The following CTNNA3 variants were observed in gnomAD, a reference collection of about 807,000 sequenced individuals.
The protein encoded by CTNNA3 is catenin alpha 3.
A neutral mutation model predicts 95.7 loss-of-function variants in CTNNA3; 76 were observed. The observed-to-expected ratio is 0.79, with a 90% CI of 0.66 to 0.96. CTNNA3 has a LOEUF of 0.96. Ranked by LOEUF, CTNNA3 falls within the 40% of genes least tolerant of loss-of-function variation. The probability of loss-of-function intolerance (pLI) is 0.00; values close to 1 mark genes in which losing one functional copy is unlikely to be tolerated. For missense variants in CTNNA3, 1,191 were observed against 1,089.8 expected, an observed-to-expected ratio of 1.09 and a Z score of -1.31; for synonymous variants, 431 against 374.4, an observed-to-expected ratio of 1.15 and a Z score of -1.74.
chr10:66,320,886 T>C (rs1236753231), intron 12 of CTNNA3, among the ~76,000 whole-genome samples: 1 of 152,152 alleles, frequency 6.6e-6, no homozygotes, highest in Non-Finnish European at 1.5e-5. Flanking sequence ...AAATATTCTT[T>C]TGGCCAAGAA....
chr10:66,483,472 C>A (rs932454607), intron 11 of CTNNA3, among the ~76,000 whole-genome samples: 2 of 151,950 alleles, frequency 1.3e-5, no homozygotes, highest in Non-Finnish European at 2.9e-5. Flanking sequence ...CATCCTCTGG[C>A]GATCTTCATT....
rs1296024157 is a variant in CTNNA3 at position 66,542,646 on chromosome 10, C to T, written c.1375-21873G>A. On this transcript the variant is annotated intron_variant, in intron 10 of 17. Transcript: ENST00000433211. ...AGCAAACTATCACAAGGACAAAAAA[C>T]CAAACACCGCATGTTCTCACTCATA... Among the ~76,000 whole-genome samples the T allele has an allele frequency of 2.0e-5, 3 of 151,100 alleles. No homozygotes were observed. The South Asian group carries it at 6.3e-4, about 32-fold the overall frequency.
At position 66,345,578 on chromosome 10, in the gene CTNNA3, G is replaced by A. The variant is rs538335485; in HGVS notation, c.1732+33574C>T. 4.6e-5 allele frequency among the ~76,000 whole-genome samples: 7 copies of A among 151,978 alleles called. No individual in the cohort carries two copies. In the South Asian group the frequency reaches 1.5e-3, roughly 32 times the overall value. ...ATAAATGTAAACAATTCTTTTCTGA[G>A]AATAACTGTACCCAAAGAAGGTGGA... On this transcript the variant is annotated intron_variant, in intron 12 of 17. Transcript: ENST00000433211.
At chr10:66,011,989 G>T (rs956935147) in intron 15 of CTNNA3, among the ~76,000 whole-genome samples, 1 of 152,038 alleles carries the variant, frequency 6.6e-6, no homozygotes, top group Non-Finnish European at 1.5e-5. Flanking sequence ...ACACCCCAGT[G>T]GAAAGACCAT....
At chr10:66,318,300 G>GTGTGTGTA (rs1229160040) in intron 12 of CTNNA3, among the ~76,000 whole-genome samples, 5 of 151,614 alleles carry the variant, frequency 3.3e-5, no homozygotes, top group Non-Finnish European at 5.9e-5. Context: ...GTGTGTGTGT[G>GTGTGTGTA]TGTGTGTATG....
At chr10:66,497,034 C>G (rs1035729235) in intron 11 of CTNNA3, among the ~76,000 whole-genome samples, 1 of 152,006 alleles carries the variant, frequency 6.6e-6, no homozygotes, top group Non-Finnish European at 1.5e-5. Flanking sequence ...GCAAGGACAT[C>G]AGTTATATTG....
intron 7 of CTNNA3, among the ~76,000 whole-genome samples, chr10:66,829,206 G>C (rs1390686964): frequency 6.6e-6 from 1 of 152,174 alleles, no homozygotes; most frequent in Non-Finnish European, 1.5e-5. Flanking sequence ...AGATACTCCA[G>C]TAAAAGTGGT....
At chr10:67,365,517 A>G (rs1269486748) in intron 5 of CTNNA3, among the ~76,000 whole-genome samples, 1 of 152,234 alleles carries the variant, frequency 6.6e-6, no homozygotes, top group African/African-American at 2.4e-5. Flanking sequence ...AAGAACTTAA[A>G]CAAATTTACA....
intron 10 of CTNNA3, among the ~76,000 whole-genome samples, chr10:66,546,688 G>A (rs1430794659): frequency 6.6e-6 from 1 of 152,064 alleles, no homozygotes; most frequent in African/African-American, 2.4e-5. Context: ...CAGATCTTGT[G>A]AAATCACTCA....
intron 5 of CTNNA3, among the ~76,000 whole-genome samples, chr10:67,235,972 C>T (rs972857284): frequency 2.0e-5 from 3 of 147,582 alleles, no homozygotes; most frequent in East Asian, 2.0e-4. Flanking sequence ...TATCATCTCA[C>T]ACCAGTTAGA....
At chr10:66,420,058 A>G (rs562379143) in intron 11 of CTNNA3, among the ~76,000 whole-genome samples, 1 of 152,298 alleles carries the variant, frequency 6.6e-6, no homozygotes, top group African/African-American at 2.4e-5. Context: ...AAAATCAAAA[A>G]CTTCTGCATA....
At chr10:67,084,572 C>A (rs1200100321) in intron 7 of CTNNA3, among the ~76,000 whole-genome samples, 1 of 151,902 alleles carries the variant, frequency 6.6e-6, no homozygotes, top group Non-Finnish European at 1.5e-5. Flanking sequence ...CCTGATCCTA[C>A]ATTAGATTTC....
chr10:66,342,529 A>G (rs1223476182), intron 12 of CTNNA3, among the ~76,000 whole-genome samples: 1 of 152,084 alleles, frequency 6.6e-6, no homozygotes, highest in Non-Finnish European at 1.5e-5. Flanking sequence ...TATCTTCTAC[A>G]TAGTCAATAA....
At chr10:67,661,854 AAT>A (rs1415626223) in intron 1 of CTNNA3, among the ~76,000 whole-genome samples, 1 of 152,232 alleles carries the variant, frequency 6.6e-6, no homozygotes, top group African/African-American at 2.4e-5. Context: ...CACATGCTAG[AAT>A]GGCTAAAATT....
chr10:66,185,935 C>A (rs111645818), intron 13 of CTNNA3, among the ~76,000 whole-genome samples: 1,940 of 151,894 alleles, frequency 0.013, 38 homozygotes, highest in African/African-American at 0.045. Context: ...CACTCTCTCT[C>A]TCTATATATA....
chr10:66,115,769 C>T (rs936682636), intron 13 of CTNNA3, among the ~76,000 whole-genome samples: 4 of 152,046 alleles, frequency 2.6e-5, no homozygotes, highest in African/African-American at 9.7e-5. Flanking sequence ...CAAAAAACTG[C>T]CTGCTGTGTT....
intron 13 of CTNNA3, among the ~76,000 whole-genome samples, chr10:66,239,604 A>G (rs935125727): frequency 6.6e-6 from 1 of 152,050 alleles, no homozygotes; most frequent in Non-Finnish European, 1.5e-5. Context: ...CACTAGCAGC[A>G]TTTCACAGTT....
chr10:67,606,312 A>G (rs1191516356), intron 3 of CTNNA3, among the ~76,000 whole-genome samples: 2 of 152,232 alleles, frequency 1.3e-5, no homozygotes, highest in African/African-American at 4.8e-5. Flanking sequence ...AAAGATCTCA[A>G]AAAGATGAAA....
intron 5 of CTNNA3, among the ~76,000 whole-genome samples, chr10:67,344,395 AT>A (rs1213046307): frequency 6.6e-6 from 1 of 151,414 alleles, no homozygotes. Context: ...CTCCTCCTCT[AT>A]TTTTTGGAAT....
Sources: allele counts gnomAD v4.1 joint callset (sites outside exome capture counted in the v4.1 genomes callset), GRCh38; gene constraint gnomAD v4.1.1; transcripts MANE v1.5; gene names NCBI Gene and HGNC (gene_info 2026-07-23, HGNC 2026-07-21).